Variants in DNAAF9 observed in about 807,000 individuals in gnomAD.
DNAAF9 encodes dynein axonemal assembly factor 9, also known as shulin.
DNAAF9 carries 90 observed loss-of-function variants against 167.0 expected under a neutral mutation model. The observed-to-expected ratio is 0.54, with a 90% confidence interval of 0.45 to 0.64. The LOEUF (loss-of-function observed/expected upper bound fraction) is 0.64, where lower values mean the gene tolerates loss of function less well. Among genes scored for constraint, DNAAF9 ranks in the 30% least tolerant of loss-of-function variants. The pLI is 0.00. For synonymous variants in DNAAF9, 491 were observed against 508.8 expected (o/e 0.96, Z 0.47); for missense variants, 1,315 against 1,442.2 (o/e 0.91, Z 1.43).
chr20:3,272,948 G>A (rs1012463697), intron 29 of DNAAF9, among the ~76,000 whole-genome samples: 4 of 151,988 alleles, frequency 2.6e-5, no homozygotes, highest in Admixed American at 1.3e-4. Flanking sequence ...TCAGACTCCC[G>A]GCCTCCCGAG....
chr20:3,297,049 C>T (rs2069093449), intron 22 of DNAAF9, 100 bp from the exon 23 acceptor site: 1 of 709,856 alleles, frequency 1.4e-6, no homozygotes, highest in South Asian at 1.7e-5. Flanking sequence ...TAGACTGTCA[C>T]TGCAGAGAAA....
chr20:3,359,933 A>T (rs1320688676), intron 6 of DNAAF9: 2 of 174,270 alleles, frequency 1.1e-5, no homozygotes, highest in African/African-American at 4.8e-5. Context: ...CCATGGCTTT[A>T]AAAATCAAAT....
In DNAAF9 at chr20:3,336,252, G is replaced by GTGTTTTTTT. The variant is rs2069940496; in HGVS notation, c.982-3892_982-3891insAAAAAAACA. Reference sequence around the variant, plus strand: ...TGATTTTGCAGATTCACAGTTTTGCGTTTTTGTTTTTTTTTTTTTTTTTGC... The same window carrying GTGTTTTTTT: ...TGATTTTGCAGATTCACAGTTTTGCGTGTTTTTTTTTTTTGTTTTTTTTTTTTTTTTTGC... On this transcript the variant is annotated intron_variant, in intron 10 of 36. Coordinates refer to ENST00000252032, the MANE Select transcript of DNAAF9 (RefSeq NM_001009984.3). 4.9e-5 allele frequency among the ~76,000 whole-genome samples: 4 copies of GTGTTTTTTT among 81,414 alleles called. No homozygotes were observed. In the East Asian group the frequency reaches 1.3e-3, roughly 27 times the overall value. 53.4% of individuals were successfully genotyped at this position (81,414 alleles called of 152,430 possible). A position where few individuals can be genotyped will look rare whatever the true frequency, so the allele number is the denominator to read the frequency against.
chr20:3,378,303 C>T (rs192578420), intron 3 of DNAAF9, among the ~76,000 whole-genome samples: 1 of 152,276 alleles, frequency 6.6e-6, no homozygotes, highest in East Asian at 1.9e-4. Flanking sequence ...GCAGGCCCAA[C>T]GATACTGCTT....
chr20:3,344,614 C>T lies in DNAAF9; in HGVS notation c.790-883G>A, dbSNP rs900068250. On this transcript the variant is annotated intron_variant, in intron 8 of 36. Transcript: ENST00000252032. ...ATACACACACACACACACACACACA[C>T]ACACACACACACACACACACACACA... Among the ~76,000 whole-genome samples the T allele has an allele frequency of 8.6e-5, 13 of 150,574 alleles. No individual in the cohort carries two copies. In the South Asian group the frequency reaches 1.5e-3, roughly 17 times the overall value.
At chr20:3,386,298 A>T (rs1334325534) in intron 1 of DNAAF9, among the ~76,000 whole-genome samples, 1 of 152,206 alleles carries the variant, frequency 6.6e-6, no homozygotes, top group Non-Finnish European at 1.5e-5. Flanking sequence ...AAGTCAATGG[A>T]ACAGATAGAG....
chr20:3,368,947 C>T (rs945288291), intron 6 of DNAAF9, among the ~76,000 whole-genome samples: 2 of 96,606 alleles, frequency 2.1e-5, no homozygotes, highest in Admixed American at 1.2e-4. Context: ...CCCTGGCCAA[C>T]AAGGTGAACC....
chr20:3,309,948 T>C (rs1211076682), intron 20 of DNAAF9, among the ~76,000 whole-genome samples: 1 of 152,000 alleles, frequency 6.6e-6, no homozygotes, highest in Non-Finnish European at 1.5e-5. Flanking sequence ...ATCCCAGAAC[T>C]TTGGGAGGCT....
intron 29 of DNAAF9, among the ~76,000 whole-genome samples, 166 bp from the exon 30 acceptor site, chr20:3,270,728 C>A (rs2068578462): frequency 6.6e-6 from 1 of 152,090 alleles, no homozygotes; most frequent in South Asian, 2.1e-4. Flanking sequence ...TCATTCTCTT[C>A]CCACTTCCCG....
chr20:3,370,573 C>A (rs1407224106), intron 6 of DNAAF9, among the ~76,000 whole-genome samples: 1 of 152,122 alleles, frequency 6.6e-6, no homozygotes, highest in East Asian at 1.9e-4. Context: ...CCATGCCCAG[C>A]TAATTTTTGT....
intron 27 of DNAAF9, among the ~76,000 whole-genome samples, chr20:3,283,287 G>C (rs1305223120): frequency 6.6e-6 from 1 of 152,226 alleles, no homozygotes; most frequent in Non-Finnish European, 1.5e-5. Context: ...GGTACAGCCT[G>C]CTTGAGTTGT....
At chr20:3,261,208 T>C (rs2068380032) in intron 31 of DNAAF9, among the ~76,000 whole-genome samples, 1 of 151,822 alleles carries the variant, frequency 6.6e-6, no homozygotes, top group Non-Finnish European at 1.5e-5. Context: ...CAACTACTTT[T>C]GATTTTTTAT....
At chr20:3,296,780 A>T in intron 23 of DNAAF9, 81 bp downstream of exon 23, 1 of 863,490 alleles carries the variant, frequency 1.2e-6, no homozygotes, top group South Asian at 1.5e-5. Flanking sequence ...CCCCTGTGTT[A>T]CATAATGCGA....
At chr20:3,386,884 G>A (rs1184799605) in intron 1 of DNAAF9, among the ~76,000 whole-genome samples, 1 of 152,080 alleles carries the variant, frequency 6.6e-6, no homozygotes, top group African/African-American at 2.4e-5. Context: ...TATCCATTAT[G>A]GAAATGCAAA....
At chr20:3,320,781 C>T (rs770400280) in intron 16 of DNAAF9, among the ~76,000 whole-genome samples, 1 of 152,184 alleles carries the variant, frequency 6.6e-6, no homozygotes, top group African/African-American at 2.4e-5. Context: ...TACTTTTCCA[C>T]AGGTGATGGT....
intron 36 of DNAAF9, 28 bp downstream of exon 36, chr20:3,253,698 C>T: frequency 7.1e-7 from 1 of 1,406,862 alleles, no homozygotes. Flanking sequence ...CCGGGTTCCA[C>T]ACAGGGACCA....
intron 1 of DNAAF9, among the ~76,000 whole-genome samples, chr20:3,389,932 AG>A (rs2083802640): frequency 6.6e-6 from 1 of 151,446 alleles, no homozygotes; most frequent in African/African-American, 2.4e-5. Context: ...GCTACCCAGG[AG>A]GGTGAGGCAG....
intron 29 of DNAAF9, among the ~76,000 whole-genome samples, chr20:3,275,101 G>A (rs2068656068): frequency 1.3e-5 from 2 of 152,208 alleles, no homozygotes; most frequent in South Asian, 4.1e-4. Flanking sequence ...TCTGGAAACT[G>A]AGTAAGGCAA....
At chr20:3,284,952 A>G (rs1221909674) in intron 27 of DNAAF9, among the ~76,000 whole-genome samples, 4 of 152,140 alleles carry the variant, frequency 2.6e-5, no homozygotes, top group Non-Finnish European at 5.9e-5. Context: ...TCAGGATACT[A>G]AACAGTTCCA....
Sources: allele counts gnomAD v4.1 joint callset (sites outside exome capture counted in the v4.1 genomes callset), GRCh38; gene constraint gnomAD v4.1.1; transcripts MANE v1.5; gene names NCBI Gene and HGNC (gene_info 2026-07-23, HGNC 2026-07-21).